The following DNAH17 variants were observed in gnomAD, a reference collection of about 807,000 sequenced individuals.
The protein encoded by DNAH17 is dynein axonemal heavy chain 17.
In DNAH17, 376 loss-of-function variants were observed where a neutral mutation model predicts 485.6. The observed-to-expected ratio is 0.77, with a 90% CI of 0.71 to 0.84. DNAH17 has a LOEUF of 0.84. Ranked by LOEUF, DNAH17 falls within the 40% of genes least tolerant of loss-of-function variation. The probability of loss-of-function intolerance (pLI) is 0.00; values close to 1 mark genes in which losing one functional copy is unlikely to be tolerated. For synonymous variants in DNAH17, 3,031 were observed against 2,405.9 expected (o/e 1.26, Z -7.60); for missense variants, 6,370 against 5,839.3 (o/e 1.09, Z -2.96).
intron 9 of DNAH17, among the ~76,000 whole-genome samples, chr17:78,567,555 C>T (rs1488018731): frequency 6.6e-6 from 1 of 152,146 alleles, no homozygotes; most frequent in Non-Finnish European, 1.5e-5. Context: ...TTCTGATGCT[C>T]TTGCTAAGCT....
intron 48 of DNAH17, 112 bp from the exon 49 acceptor site, chr17:78,480,898 T>C: frequency 1.3e-6 from 1 of 742,260 alleles, no homozygotes; most frequent in Non-Finnish European, 2.3e-6. Flanking sequence ...TGAGACAGAG[T>C]CTCGCTCTGT....
At chr17:78,458,382 T>C in intron 62 of DNAH17, 183 bp downstream of exon 62, 1 of 607,156 alleles carries the variant, frequency 1.6e-6, no homozygotes, top group Non-Finnish European at 2.9e-6. Flanking sequence ...GCATATTTTG[T>C]GGAGGCCACT....
rs746740283 is a variant in DNAH17 at position 78,529,669 on chromosome 17, T to C, written c.3310A>G (p.Lys1104Glu). ...TTGGTCAAGCCCATTCTGGCGACTT[T>C]CATGAAGGCTTCCAGGTCAGCCAGG... Reference protein sequence around the residue: ...NSLADLEAFMKVARMGLTKPL... With the variant: ...NSLADLEAFMEVARMGLTKPL... The change falls in exon 22 of 81, where the codon AAA (lysine) becomes GAA (glutamate). Residue 1104 changes from lysine to glutamate, a missense_variant. Lys to Glu is a moderately conservative substitution (Grantham distance 56, BLOSUM62 1). Transcript: ENST00000389840. 1.4e-5 allele frequency: 22 copies of C among 1,613,812 alleles called. No homozygotes were observed. The Admixed American group carries it at 3.2e-4, about 23-fold the overall frequency.
intron 56 of DNAH17, among the ~76,000 whole-genome samples, chr17:78,463,791 G>A (rs1234487053): frequency 6.6e-6 from 1 of 152,240 alleles, no homozygotes; most frequent in African/African-American, 2.4e-5. Context: ...CTTTGCCCCA[G>A]AAATTGTCTC....
At chr17:78,492,787 C>T (rs1162507813) in intron 41 of DNAH17, 22 bp from the exon 42 acceptor site, 1 of 1,606,488 alleles carries the variant, frequency 6.2e-7, no homozygotes, top group East Asian at 2.2e-5. Flanking sequence ...GGGGGTCACT[C>T]ACGTGTGACT....
At chr17:78,432,679 A>G (rs1387434959) in intron 75 of DNAH17, among the ~76,000 whole-genome samples, 1 of 152,156 alleles carries the variant, frequency 6.6e-6, no homozygotes, top group Non-Finnish European at 1.5e-5. Flanking sequence ...ACCCAATGGG[A>G]GCACGTGTGC....
chr17:78,561,879 G>GTCT lies in DNAH17; in HGVS notation c.1668_1670dup (p.Leu556_Asp557insGlu). On this transcript the variant is annotated inframe_insertion, in exon 12 of 81. Coordinates refer to ENST00000389840, the MANE Select transcript of DNAH17 (RefSeq NM_173628.4). ...GGGCATCGTACAAGATCTTAGCATT[G>GTCT]TCTAGCTCAGCGTCAAACAGCTCCA... The GTCT allele has an allele frequency of 6.2e-7, 1 of 1,613,938 alleles. No individual in the cohort carries two copies. The highest frequency in any genetic ancestry group is 8.5e-7 in the Non-Finnish European group (1 of 1,179,872).
chr17:78,455,214 G>A (rs1386121933), intron 63 of DNAH17, among the ~76,000 whole-genome samples: 1 of 149,356 alleles, frequency 6.7e-6, no homozygotes, highest in Non-Finnish European at 1.5e-5. Flanking sequence ...AATGCCACTG[G>A]GCCACATTCT....
chr17:78,468,822 A>G lies in DNAH17; in HGVS notation c.8573T>C (p.Met2858Thr), dbSNP rs759554203. ...AVKNVPSVFL[M>T]TDSQVAEEQF... Reference sequence around the variant, plus strand: ...CTCCTCGGCCACCTGGGAGTCTGTCATCAGGAACACCGAGGGAACGTTCTT... The same window carrying G: ...CTCCTCGGCCACCTGGGAGTCTGTCGTCAGGAACACCGAGGGAACGTTCTT... Residue 2858 changes from methionine to threonine, a missense_variant, in exon 55 of 81, where the codon ATG (methionine) becomes ACG (threonine). Physicochemically the swap from Met to Thr is moderately conservative, Grantham distance 81. Transcript: ENST00000389840. The G allele has an allele frequency of 6.2e-7, 1 of 1,613,930 alleles. No homozygotes were observed. The highest frequency in any genetic ancestry group is 2.2e-5 in the East Asian group (1 of 44,896).
At chr17:78,564,941 A>G (rs577557082) in intron 11 of DNAH17, among the ~76,000 whole-genome samples, 2 of 152,266 alleles carry the variant, frequency 1.3e-5, no homozygotes, top group East Asian at 1.9e-4. Flanking sequence ...CTTCTGAGAA[A>G]GGGAATGTTG....
At position 78,459,909 on chromosome 17, in the gene DNAH17, G is replaced by A. The variant is rs762861426; in HGVS notation, c.9528C>T (p.Gly3176=). 3.1e-6 allele frequency: 5 copies of A among 1,613,896 alleles called. No individual in the cohort carries two copies. The South Asian group carries it at 4.4e-5, about 14-fold the overall frequency. ...TCCAGCTCTTGTCCTTGGGGATCTT[G>A]CCCCCAGGTGCGGTCAGAATCATGA... ...AAVMILTAPG[G]KIPKDKSWKA... Residue 3176 remains glycine (G), a synonymous_variant, in exon 60 of 81, where the codon GGC becomes GGT. Coordinates refer to ENST00000389840, the MANE Select transcript of DNAH17 (RefSeq NM_173628.4).
At chr17:78,460,358 G>C in intron 58 of DNAH17, 101 bp from the exon 59 acceptor site, 1 of 999,628 alleles carries the variant, frequency 1.0e-6, no homozygotes. Flanking sequence ...GTGTGTGCAT[G>C]TATGCACGTG....
intron 41 of DNAH17, 131 bp from the exon 42 acceptor site, chr17:78,492,896 G>A: frequency 3.3e-6 from 3 of 900,488 alleles, no homozygotes; most frequent in Non-Finnish European, 3.1e-6. Context: ...TTGTCACCGA[G>A]GCTGGAGTGC....
chr17:78,465,431 G>T (rs745484584), intron 56 of DNAH17, among the ~76,000 whole-genome samples: 1 of 141,262 alleles, frequency 7.1e-6, no homozygotes, highest in African/African-American at 2.7e-5. Context: ...TGGCTGCCCA[G>T]TCTGGAAAGT....
chr17:78,502,690 C>T lies in DNAH17; in HGVS notation c.5091G>A (p.Leu1697=), dbSNP rs890792233. The change falls in exon 33 of 81, where the codon CTG becomes CTA. Residue 1697 remains leucine, a synonymous_variant. Coordinates refer to ENST00000389840, the MANE Select transcript of DNAH17 (RefSeq NM_173628.4). Reference sequence around the variant, plus strand: ...TCGTCCACCAGATCTGGGTGCAAGTCAGGGCCACCTGAAAGTACATACCCC... The same window carrying T: ...TCGTCCACCAGATCTGGGTGCAAGTTAGGGCCACCTGAAAGTACATACCCC... The part of the protein sequence containing the change: ...WILDYPAQVA[L]TCTQIWWTTE... 1.2e-6 allele frequency: 2 copies of T among 1,611,768 alleles called. No individual in the cohort carries two copies. The highest frequency in any genetic ancestry group is 1.3e-5 in the African/African-American group (1 of 74,934).
chr17:78,456,950 C>T (rs1386774540), intron 62 of DNAH17, among the ~76,000 whole-genome samples: 6 of 152,226 alleles, frequency 3.9e-5, no homozygotes, highest in African/African-American at 1.4e-4. Flanking sequence ...TCTGCTGAGG[C>T]TCCGGGTGCT....
intron 16 of DNAH17, among the ~76,000 whole-genome samples, chr17:78,545,673 A>G (rs928056193): frequency 6.6e-6 from 1 of 152,182 alleles, no homozygotes; most frequent in Non-Finnish European, 1.5e-5. Flanking sequence ...TGAGAGTCAC[A>G]AACGTACAGT....
intron 13 of DNAH17, among the ~76,000 whole-genome samples, 194 bp downstream of exon 13, chr17:78,560,546 A>T (rs890121894): frequency 5.9e-5 from 9 of 152,104 alleles, no homozygotes; most frequent in African/African-American, 2.2e-4. Context: ...GAAGATACTC[A>T]TTGAAGCTAT....
Position 78,480,782 on chromosome 17 carries a change from C to G in DNAH17, c.7654G>C (p.Asp2552His), listed in dbSNP as rs1192276763. The G allele has an allele frequency of 6.2e-7, 1 of 1,611,526 alleles. No homozygotes were observed. Among genetic ancestry groups the G allele is most frequent in the East Asian group, 2.2e-5 (1 of 44,840 alleles). The change falls in exon 49 of 81, where the codon GAC (aspartate) becomes CAC (histidine). Residue 2552 changes from aspartate (D) to histidine (H), a missense_variant. Coordinates refer to ENST00000389840, the MANE Select transcript of DNAH17 (RefSeq NM_173628.4). The part of the protein sequence containing the change: ...RQHMDHRHWY[D>H]RHKLTLKDIH... ...TCTTTTAACGTCAGCTTATGTCTGT[C>G]ATACCTGAGGGGGGAAACCAGCATT...
Sources: gnomAD v4.1 joint callset for allele counts (sites outside exome capture counted in the v4.1 genomes callset) on GRCh38, gnomAD v4.1.1 for gene constraint, MANE v1.5 for transcripts, NCBI Gene and HGNC (gene_info 2026-07-23, HGNC 2026-07-21) for gene names.